ZFYVE26: variants seen among roughly 807,000 people sequenced by gnomAD.
ZFYVE26 encodes zinc finger FYVE domain-containing protein 26.
In ZFYVE26, 181 loss-of-function variants were observed where a neutral mutation model predicts 276.5. That is an observed-to-expected ratio of 0.65 (90% CI 0.58 to 0.74). The LOEUF is 0.74. ZFYVE26 is among the 30% of genes least tolerant of loss of function. The pLI is 0.00. For missense variants in ZFYVE26, 2,821 were observed against 3,097.9 expected, an observed-to-expected ratio of 0.91 and a Z score of 2.12; for synonymous variants, 1,129 against 1,203.1, an observed-to-expected ratio of 0.94 and a Z score of 1.27.
At chr14:67,732,972 A>C (rs2140160661) in intron 13 of ZFYVE26, among the ~76,000 whole-genome samples, 1 of 152,222 alleles carries the variant, frequency 6.6e-6, no homozygotes, top group South Asian at 2.1e-4. Context: ...AAAAACAAAA[A>C]ACATGGGGGG....
intron 28 of ZFYVE26, chr14:67,770,538 T>C (rs1015089723): frequency 6.6e-6 from 1 of 152,144 alleles, no homozygotes; most frequent in Non-Finnish European, 1.5e-5. Flanking sequence ...AATTCTTAAT[T>C]TGTATCAGTC....
At position 67,775,923 on chromosome 14, in the gene ZFYVE26, G is replaced by C; in HGVS notation, c.5158C>G (p.Leu1720Val). The change falls in exon 26 of 42, where the codon CTG becomes GTG. Residue 1720 changes from leucine (L) to valine (V), a missense_variant. Coordinates refer to ENST00000347230, the MANE Select transcript of ZFYVE26 (RefSeq NM_015346.4). The part of the protein sequence containing the change: ...IGFTMDEVDS[L>V]LSRYAEKALD... ...GCTTTCTCTGCGTATCTGGAAAGCAGTGAGTCCACCTCGTCCATAGTGAAG... is the reference window on the plus strand; with the variant it reads ...GCTTTCTCTGCGTATCTGGAAAGCACTGAGTCCACCTCGTCCATAGTGAAG... 6.2e-7 allele frequency: 1 copy of C among 1,614,254 alleles called. No homozygotes were observed. The highest frequency in any genetic ancestry group is 8.5e-7 in the Non-Finnish European group (1 of 1,180,046).
intron 21 of ZFYVE26, 118 bp downstream of exon 21, chr14:67,782,662 C>T: frequency 6.6e-7 from 1 of 1,517,334 alleles, no homozygotes; most frequent in Non-Finnish European, 9.0e-7. Context: ...CTCTTAATAA[C>T]ATGAGATTAT....
chr14:67,746,284 C>A (rs2038486955), downstream of ZFYVE26, among the ~76,000 whole-genome samples: 1 of 135,200 alleles, frequency 7.4e-6, no homozygotes, highest in Non-Finnish European at 1.5e-5. Context: ...TATCTCTACC[C>A]ATCCCCCAAC....
In ZFYVE26 at chr14:67,754,117, G is replaced by T. The variant is rs1241102467; in HGVS notation, c.7082C>A (p.Pro2361Gln). 1.9e-6 allele frequency: 3 copies of T among 1,614,116 alleles called. No homozygotes were observed. Among genetic ancestry groups the T allele is most frequent in the Non-Finnish European group, 1.7e-6 (2 of 1,180,056 alleles). The change falls in exon 38 of 42, where the codon CCA becomes CAA. Residue 2361 changes from proline to glutamine, a missense_variant. Coordinates refer to ENST00000347230, the MANE Select transcript of ZFYVE26 (RefSeq NM_015346.4). ...CATGTGGTTATTTCCAAACAGGGTT[G>T]GCAGAGGCAAAGTGGTGATTTGAGA... ...GTSQITTLPLPTLFGNNHMKM... is the reference protein window; with the variant it reads ...GTSQITTLPLQTLFGNNHMKM...
intron 27 of ZFYVE26, 152 bp downstream of exon 27, chr14:67,774,864 T>C: frequency 3.1e-6 from 2 of 636,084 alleles, no homozygotes; most frequent in Non-Finnish European, 5.5e-6. Context: ...TTTTGAGATA[T>C]ATATAAATCT....
At chr14:67,780,787 CT>C (rs769229572) in intron 22 of ZFYVE26, among the ~76,000 whole-genome samples, 54 of 152,320 alleles carry the variant, frequency 3.5e-4, no homozygotes, top group African/African-American at 1.2e-3. Flanking sequence ...TTCACTACCC[CT>C]GGTAGGGTTT....
At chr14:67,763,314 G>A (rs967199393) in intron 32 of ZFYVE26, among the ~76,000 whole-genome samples, 9 of 152,190 alleles carry the variant, frequency 5.9e-5, no homozygotes, top group Admixed American at 5.2e-4. Flanking sequence ...CCTGGGGCAA[G>A]TTAGTTAACC....
chr14:67,754,246 T>C, intron 37 of ZFYVE26, 34 bp from the exon 38 acceptor site: 2 of 1,613,874 alleles, frequency 1.2e-6, no homozygotes, highest in Admixed American at 3.3e-5. Context: ...TCCAGCCTCA[T>C]GAGGGGCCCC....
Position 67,798,765 on chromosome 14 carries a change from C to T in ZFYVE26, c.1640-143G>A, listed in dbSNP as rs111785658. The T allele has an allele frequency of 2.4e-4, 274 of 1,128,020 alleles. 2 individuals are homozygous for T. The African/African-American group carries it at 3.6e-3, about 15-fold the overall frequency. The allele number at this position is 1,128,020 out of a possible 1,614,324, so 69.9% of individuals were successfully genotyped here. ...TTTAATTATAAGGGAACTGAGGTTA[C>T]AGTGAGAAGAATAAGAGACTTAGGA... is the stretch of plus-strand genomic sequence containing the variant. On this transcript the variant is annotated intron_variant, in intron 10 of 41. Coordinates refer to ENST00000347230, the MANE Select transcript of ZFYVE26 (RefSeq NM_015346.4).
chr14:67,812,146 A>C (rs560430311), intron 3 of ZFYVE26, among the ~76,000 whole-genome samples: 20 of 152,074 alleles, frequency 1.3e-4, no homozygotes, highest in Admixed American at 2.0e-4. Context: ...GTTAGTGAAA[A>C]CTCATTTGCC....
At chr14:67,730,045 A>C (rs1342872934) in intron 13 of ZFYVE26, among the ~76,000 whole-genome samples, 1 of 152,176 alleles carries the variant, frequency 6.6e-6, no homozygotes, top group Non-Finnish European at 1.5e-5. Context: ...ATGAGAGGGG[A>C]ATGGATAAGT....
chr14:67,752,367 C>T lies in ZFYVE26; in HGVS notation c.7348G>A (p.Ala2450Thr), dbSNP rs143861777. Reference protein sequence around the residue: ...GDTILLNCLEAFKRIPPQELE... With the variant: ...GDTILLNCLETFKRIPPQELE... ...ACCTGGGGCGGAATTCTCTTGAACG[C>T]TTCCAGGCAGTTGAGGAGGATGGTG... is the stretch of plus-strand genomic sequence containing the variant. Residue 2450 changes from alanine to threonine, a missense_variant, in exon 40 of 42, where the codon GCG becomes ACG. By Grantham distance (58) the Ala-to-Thr change is moderately conservative. Transcript: ENST00000347230. 103 of 1,611,890 alleles carry T rather than the reference C, an allele frequency of 6.4e-5. No individual in the cohort carries two copies. The African/African-American group carries it at 1.2e-3, about 19-fold the overall frequency.
At chr14:67,801,512 C>T (rs1432631187) in intron 10 of ZFYVE26, among the ~76,000 whole-genome samples, 1 of 152,044 alleles carries the variant, frequency 6.6e-6, no homozygotes, top group Non-Finnish European at 1.5e-5. Flanking sequence ...TATTCCAAAG[C>T]TAGGAGAGAG....
chr14:67,751,789 C>T (rs1176413095), intron 40 of ZFYVE26, among the ~76,000 whole-genome samples: 2 of 151,824 alleles, frequency 1.3e-5, no homozygotes, highest in East Asian at 1.9e-4. Flanking sequence ...AGGAGAATGG[C>T]GTGAACCCAG....
intron 13 of ZFYVE26, chr14:67,735,308 A>C: frequency 2.4e-6 from 2 of 833,588 alleles, no homozygotes; most frequent in Non-Finnish European, 4.3e-6. Flanking sequence ...ACCTCTCTGT[A>C]GTGTCTCGCC....
intron 28 of ZFYVE26, among the ~76,000 whole-genome samples, chr14:67,771,240 T>C (rs77980014): frequency 0.11 from 16,883 of 152,252 alleles, 958 homozygotes; most frequent in Middle Eastern, 0.22. Flanking sequence ...TGGTTTTCCA[T>C]TCCTGTGTTA....
rs1269973441 is a variant in ZFYVE26, at chr14:67,805,462, T to A, written c.1174A>T (p.Arg392Trp). Residue 392 changes from arginine (R) to tryptophan (W), a missense_variant, in exon 7 of 42, where the codon AGG (arginine) becomes TGG (tryptophan). By Grantham distance (101) the Arg-to-Trp change is moderately radical (BLOSUM62 -3). Transcript: ENST00000347230. ...SAKRLLQTLH[R>W]TQGPGCDELL... is the part of the protein sequence containing the mutation. ...TGCTGAGTGAGAGTTACCTGGGTCC[T>A]GTGCAGGGTCTGGAGCAGCCTCTTG... is the stretch of plus-strand genomic sequence containing the variant. The A allele has an allele frequency of 6.2e-7, 1 of 1,614,206 alleles. No homozygotes were observed.
chr14:67,798,626 C>T lies in ZFYVE26; in HGVS notation c.1640-4G>A, dbSNP rs1466959406. Reference sequence around the variant, plus strand: ...GTTGAGAAGAGATTTGCAGCACCTACAAAAACATGTACAAGAGAAGAGGCC... The same window carrying T: ...GTTGAGAAGAGATTTGCAGCACCTATAAAAACATGTACAAGAGAAGAGGCC... On this transcript the variant is annotated splice_region_variant and splice_polypyrimidine_tract_variant and intron_variant, in intron 10 of 41. Transcript: ENST00000347230. 2 of 1,613,606 alleles carry T rather than the reference C, an allele frequency of 1.2e-6. No homozygotes were observed. Among genetic ancestry groups the T allele is most frequent in the East Asian group, 2.2e-5 (1 of 44,888 alleles).
Sources: allele counts gnomAD v4.1 joint callset (sites outside exome capture counted in the v4.1 genomes callset), GRCh38; gene constraint gnomAD v4.1.1; transcripts MANE v1.5; gene names NCBI Gene and HGNC (gene_info 2026-07-23, HGNC 2026-07-21).